The following HS6ST3 variants were observed in gnomAD, a reference collection of about 807,000 sequenced individuals.
The protein encoded by HS6ST3 is heparan-sulfate 6-O-sulfotransferase 3.
Under a neutral mutation model 36.7 loss-of-function variants are expected in HS6ST3, and 12 were observed. The observed-to-expected ratio is 0.33, with a 90% CI of 0.21 to 0.53. The LOEUF is 0.53. Among genes scored for constraint, HS6ST3 ranks in the 20% least tolerant of loss-of-function variants. HS6ST3 has a pLI of 0.95. For synonymous variants in HS6ST3, 240 were observed against 257.5 expected (o/e 0.93, Z 0.65); for missense variants, 584 against 640.9 (o/e 0.91, Z 0.96).
chr13:96,698,176 C>T (rs1286616055), intron 1 of HS6ST3, among the ~76,000 whole-genome samples: 1 of 152,030 alleles, frequency 6.6e-6, no homozygotes. Context: ...GGTATATCTC[C>T]CAATGCTGTC....
At chr13:96,523,280 TCTTGCTGCC>T (rs1214796541) in intron 1 of HS6ST3, among the ~76,000 whole-genome samples, 2 of 152,210 alleles carry the variant, frequency 1.3e-5, no homozygotes, top group African/African-American at 4.8e-5. Flanking sequence ...GACCTTTCTC[TCTTGCTGCC>T]CTTTACATTT....
At chr13:96,715,145 A>G (rs1471836286) in intron 1 of HS6ST3, among the ~76,000 whole-genome samples, 2 of 152,236 alleles carry the variant, frequency 1.3e-5, no homozygotes, top group East Asian at 3.8e-4. Flanking sequence ...ATGAAGAAGT[A>G]GGGCTACATA....
In HS6ST3 at chr13:96,582,756, G is replaced by A. The variant is rs1168152215; in HGVS notation, c.708-249734G>A. Among the ~76,000 whole-genome samples the A allele has an allele frequency of 7.2e-5, 11 of 152,078 alleles. No homozygotes were observed. The East Asian group carries it at 9.7e-4, about 13-fold the overall frequency. On this transcript the variant is annotated intron_variant, in intron 1 of 1. Transcript: ENST00000376705. ...TTGAACTTGGGCAATGTAGCAGATC[G>A]GCTCATTTTCCAAATATGTTCCATC...
rs533309549 is a variant in HS6ST3, at chr13:96,635,612, A to G, written c.708-196878A>G. On this transcript the variant is annotated intron_variant, in intron 1 of 1. Coordinates refer to ENST00000376705, the MANE Select transcript of HS6ST3 (RefSeq NM_153456.4). ...TATATAACCTCCAATCACATTGTAT[A>G]CAAATATTATGCTTATGCATCTGTG... Among the ~76,000 whole-genome samples, 23 of 152,168 alleles carry G rather than the reference A, an allele frequency of 1.5e-4. 1 individual carries two copies. Among genetic ancestry groups the G allele is most frequent in the African/African-American group, 5.3e-4 (22 of 41,440 alleles).
At chr13:96,767,388 A>G (rs1439589991) in intron 1 of HS6ST3, among the ~76,000 whole-genome samples, 1 of 152,206 alleles carries the variant, frequency 6.6e-6, no homozygotes, top group Non-Finnish European at 1.5e-5. Context: ...TGTCTCAATC[A>G]AAGCTCTCCT....
At chr13:96,706,718 C>G (rs891454433) in intron 1 of HS6ST3, among the ~76,000 whole-genome samples, 6 of 151,866 alleles carry the variant, frequency 4.0e-5, no homozygotes, top group African/African-American at 1.5e-4. Flanking sequence ...CTGCCTCTTC[C>G]ACGTAGACAT....
chr13:96,117,013 A>G (rs2053897070), intron 1 of HS6ST3, among the ~76,000 whole-genome samples: 1 of 152,230 alleles, frequency 6.6e-6, no homozygotes. Flanking sequence ...AAAGTCACTA[A>G]GCCCTGTGAT....
At chr13:96,409,534 T>C (rs2055496725) in intron 1 of HS6ST3, among the ~76,000 whole-genome samples, 1 of 152,186 alleles carries the variant, frequency 6.6e-6, no homozygotes, top group African/African-American at 2.4e-5. Context: ...GCAAGAGTTT[T>C]CCCACGGCTG....
chr13:96,153,380 G>A (rs748313703), intron 1 of HS6ST3, among the ~76,000 whole-genome samples: 11 of 151,746 alleles, frequency 7.2e-5, no homozygotes, highest in Non-Finnish European at 1.5e-4. Flanking sequence ...TGTGCAATGC[G>A]GGGGTATTTC....
At chr13:96,828,079 A>G (rs376869763) in intron 1 of HS6ST3, among the ~76,000 whole-genome samples, 2 of 152,188 alleles carry the variant, frequency 1.3e-5, no homozygotes, top group East Asian at 1.9e-4. Flanking sequence ...ATTTTCTGAC[A>G]CTGATGGAAT....
At chr13:96,368,260 C>T (rs1594764404) in intron 1 of HS6ST3, among the ~76,000 whole-genome samples, 1 of 152,092 alleles carries the variant, frequency 6.6e-6, no homozygotes, top group Non-Finnish European at 1.5e-5. Context: ...TAGGACGACC[C>T]TATTTGGATT....
At position 96,357,200 on chromosome 13, in the gene HS6ST3, C is replaced by T. The variant is rs541629333; in HGVS notation, c.707+265631C>T. On this transcript the variant is annotated intron_variant, in intron 1 of 1. Coordinates refer to ENST00000376705, the MANE Select transcript of HS6ST3 (RefSeq NM_153456.4). ...ATTATTAAAACTTTCTTCATATTGA[C>T]GATAAAACTGTTTCACCTTTTTGTC... Among the ~76,000 whole-genome samples the T allele has an allele frequency of 1.4e-4, 22 of 152,272 alleles. No homozygotes were observed. In the South Asian group the frequency reaches 2.7e-3, roughly 19 times the overall value.
chr13:96,573,731 G>A, intron 1 of HS6ST3: 1 of 322,402 alleles, frequency 3.1e-6, no homozygotes. Flanking sequence ...ACAAGAATGA[G>A]TCCACAGCCG....
intron 1 of HS6ST3, among the ~76,000 whole-genome samples, chr13:96,110,755 G>C (rs992799797): frequency 7.9e-5 from 12 of 152,208 alleles, no homozygotes; most frequent in Non-Finnish European, 1.6e-4. Flanking sequence ...GATTTGGAGG[G>C]GACAAATATC....
intron 1 of HS6ST3, among the ~76,000 whole-genome samples, chr13:96,351,417 G>C (rs1403268268): frequency 6.6e-6 from 1 of 151,320 alleles, no homozygotes; most frequent in East Asian, 1.9e-4. Context: ...GACCTACTGG[G>C]CTCAGGTGAT....
At chr13:96,616,751 A>C (rs2056475634) in intron 1 of HS6ST3, among the ~76,000 whole-genome samples, 1 of 152,186 alleles carries the variant, frequency 6.6e-6, no homozygotes, top group Non-Finnish European at 1.5e-5. Context: ...TAATAATTCT[A>C]TTTCCTTTCT....
intron 1 of HS6ST3, among the ~76,000 whole-genome samples, chr13:96,275,061 A>G (rs1039645568): frequency 1.3e-5 from 2 of 152,120 alleles, no homozygotes; most frequent in African/African-American, 4.8e-5. Context: ...GGAGTAAAAA[A>G]ACCTCCTCCC....
intron 1 of HS6ST3, among the ~76,000 whole-genome samples, chr13:96,140,998 A>C (rs1447561044): frequency 6.6e-6 from 1 of 152,232 alleles, no homozygotes; most frequent in Non-Finnish European, 1.5e-5. Flanking sequence ...TTTTCCGAAG[A>C]AAATCATCAA....
intron 1 of HS6ST3, among the ~76,000 whole-genome samples, chr13:96,351,200 A>G (rs1232755780): frequency 2.6e-5 from 4 of 152,252 alleles, no homozygotes; most frequent in African/African-American, 4.8e-5. Flanking sequence ...ATTTTTAGTC[A>G]TATTATTAAG....
Sources: gnomAD v4.1 joint callset for allele counts (sites outside exome capture counted in the v4.1 genomes callset) on GRCh38, gnomAD v4.1.1 for gene constraint, MANE v1.5 for transcripts, NCBI Gene and HGNC (gene_info 2026-07-23, HGNC 2026-07-21) for gene names.